Variants in WDR72 observed in about 807,000 individuals in gnomAD.
WDR72 encodes the protein WD repeat-containing protein 72.
In WDR72, 120 loss-of-function variants were observed where a neutral mutation model predicts 124.2. That is an observed-to-expected ratio of 0.97 (90% CI 0.83 to 1.12). The LOEUF is 1.12. WDR72 is among the 50% of genes most tolerant of loss of function. WDR72 has a pLI of 0.00. For synonymous variants in WDR72, 452 were observed against 441.7 expected (o/e 1.02, Z -0.29); for missense variants, 1,387 against 1,278.8 (o/e 1.08, Z -1.29).
At chr15:53,575,703 C>T (rs929176280) in intron 18 of WDR72, among the ~76,000 whole-genome samples, 7 of 152,118 alleles carry the variant, frequency 4.6e-5, no homozygotes, top group Non-Finnish European at 1.0e-4. Flanking sequence ...GTAAAGCACA[C>T]AGAATTTTTG....
chr15:53,601,219 A>G (rs573758178), intron 17 of WDR72, among the ~76,000 whole-genome samples: 2 of 152,238 alleles, frequency 1.3e-5, no homozygotes, highest in South Asian at 2.1e-4. Flanking sequence ...ATTCTTAAAT[A>G]AAAGGAATTG....
At chr15:53,613,195 ATAACCTTC>A (rs1206724572) in intron 16 of WDR72, among the ~76,000 whole-genome samples, 1 of 152,168 alleles carries the variant, frequency 6.6e-6, no homozygotes, top group Non-Finnish European at 1.5e-5. Context: ...AGTTGAGAAT[ATAACCTTC>A]TGAAATTGCA....
chr15:53,628,361 A>G (rs1432340607), intron 14 of WDR72, among the ~76,000 whole-genome samples: 1 of 152,168 alleles, frequency 6.6e-6, no homozygotes, highest in African/African-American at 2.4e-5. Context: ...CAAAAGGTTT[A>G]TAACAATGGA....
chr15:53,649,899 A>G (rs2015171898), intron 14 of WDR72, among the ~76,000 whole-genome samples: 1 of 152,164 alleles, frequency 6.6e-6, no homozygotes, highest in Non-Finnish European at 1.5e-5. Context: ...TCCTCAAAAA[A>G]TTAAAAATAG....
chr15:53,556,300 G>A (rs763209516), intron 18 of WDR72, among the ~76,000 whole-genome samples: 3 of 152,106 alleles, frequency 2.0e-5, no homozygotes, highest in Non-Finnish European at 4.4e-5. Flanking sequence ...AGAACAAATT[G>A]TTAAGTTAGA....
intron 1 of WDR72, among the ~76,000 whole-genome samples, chr15:53,739,355 C>T (rs1166577241): frequency 1.3e-5 from 2 of 152,202 alleles, no homozygotes; most frequent in Non-Finnish European, 2.9e-5. Flanking sequence ...ATCTCTATCA[C>T]TCCTGAGGGC....
At chr15:53,534,201 G>C (rs1892630061) in intron 18 of WDR72, among the ~76,000 whole-genome samples, 1 of 152,128 alleles carries the variant, frequency 6.6e-6, no homozygotes, top group Non-Finnish European at 1.5e-5. Flanking sequence ...AACATGATGA[G>C]TCTAATGCTC....
intron 18 of WDR72, among the ~76,000 whole-genome samples, chr15:53,544,691 G>A (rs1204040932): frequency 6.9e-6 from 1 of 143,904 alleles, no homozygotes; most frequent in Non-Finnish European, 1.5e-5. Flanking sequence ...GAAATAAAGG[G>A]TATTCAATTA....
intron 13 of WDR72, among the ~76,000 whole-genome samples, chr15:53,680,529 G>A (rs907294074): frequency 3.3e-5 from 5 of 152,146 alleles, no homozygotes; most frequent in African/African-American, 1.2e-4. Context: ...ACTTCCAGAA[G>A]TAAGAAAAAT....
chr15:53,696,233 G>A (rs539071444), intron 13 of WDR72, among the ~76,000 whole-genome samples: 1 of 152,336 alleles, frequency 6.6e-6, no homozygotes, highest in East Asian at 1.9e-4. Context: ...ATGGAACTAA[G>A]TGTGAACCCT....
At chr15:53,696,098 G>A (rs113260485) in intron 13 of WDR72, among the ~76,000 whole-genome samples, 3 of 151,860 alleles carry the variant, frequency 2.0e-5, no homozygotes, top group Non-Finnish European at 2.9e-5. Context: ...TCTCTCTGTG[G>A]GCTCTGGAGT....
chr15:53,706,106 T>C, intron 9 of WDR72, 32 bp from the exon 10 acceptor site: 1 of 1,611,760 alleles, frequency 6.2e-7, no homozygotes, highest in Non-Finnish European at 8.5e-7. Context: ...ATGTAGGAAA[T>C]ATTCTAACTA....
chr15:53,613,784 T>C (rs376871710), intron 15 of WDR72, 27 bp from the exon 16 acceptor site: 17 of 1,460,274 alleles, frequency 1.2e-5, no homozygotes, highest in South Asian at 6.8e-5. Context: ...TGACAGCATA[T>C]TACTAAAAAG....
intron 1 of WDR72, among the ~76,000 whole-genome samples, chr15:53,742,496 G>A (rs1350622091): frequency 6.6e-6 from 1 of 152,110 alleles, no homozygotes; most frequent in Non-Finnish European, 1.5e-5. Flanking sequence ...GTACCTGAAT[G>A]ATATTTTGGG....
Position 53,709,172 on chromosome 15 carries a change from A to T in WDR72, c.954+1685T>A, listed in dbSNP as rs1171838496. Among the ~76,000 whole-genome samples, 5 of 152,196 alleles carry T rather than the reference A, an allele frequency of 3.3e-5. No homozygotes were observed. In the South Asian group the frequency reaches 1.0e-3, roughly 32 times the overall value. On this transcript the variant is annotated intron_variant, in intron 9 of 19. Transcript: ENST00000360509. The stretch of plus-strand genomic sequence containing the variant: ...TACTTGGTAACTGCAAGAGAGACTA[A>T]GGACTCTTACATTTAGTGAACACTA...
chr15:53,613,551 CTA>C, intron 16 of WDR72, 113 bp downstream of exon 16: 1 of 735,778 alleles, frequency 1.4e-6, no homozygotes, highest in Non-Finnish European at 2.4e-6. Flanking sequence ...TAGGTAAAAT[CTA>C]TGTTTTATAT....
chr15:53,658,867 G>A (rs545039836), intron 14 of WDR72, among the ~76,000 whole-genome samples: 11 of 152,224 alleles, frequency 7.2e-5, no homozygotes, highest in South Asian at 6.2e-4. Context: ...CTTAATAGTC[G>A]TTTATAAATC....
At chr15:53,628,952 G>C (rs867278231) in intron 14 of WDR72, among the ~76,000 whole-genome samples, 1 of 152,196 alleles carries the variant, frequency 6.6e-6, no homozygotes, top group Non-Finnish European at 1.5e-5. Flanking sequence ...TCTATAAGCA[G>C]ATAATAAGGC....
rs190607832 is a variant in WDR72 at position 53,691,316 on chromosome 15, G to A, written c.1765+8434C>T. Among the ~76,000 whole-genome samples, 5 of 152,242 alleles carry A rather than the reference G, an allele frequency of 3.3e-5. No individual in the cohort carries two copies. In the East Asian group the frequency reaches 9.7e-4, roughly 29 times the overall value. ...TCCTCCTACCTTAGCCTCCCAAAGT[G>A]CTGAAATTACAGGCATGAGCCACCT... On this transcript the variant is annotated intron_variant, in intron 13 of 19. Coordinates refer to ENST00000360509, the MANE Select transcript of WDR72 (RefSeq NM_182758.4).
Sources: allele counts gnomAD v4.1 joint callset (sites outside exome capture counted in the v4.1 genomes callset), GRCh38; gene constraint gnomAD v4.1.1; transcripts MANE v1.5; gene names NCBI Gene and HGNC (gene_info 2026-07-23, HGNC 2026-07-21).